Variants in FOXJ3 observed in about 807,000 individuals in gnomAD.
FOXJ3 encodes forkhead box J3, also known as forkhead box protein J3.
Under a neutral mutation model 76.1 loss-of-function variants are expected in FOXJ3, and 22 were observed. The observed-to-expected ratio is 0.29, with a 90% confidence interval of 0.21 to 0.41. The LOEUF is 0.41. FOXJ3 is among the 10% of genes least tolerant of loss of function. The probability of loss-of-function intolerance (pLI) is 1.00; values close to 1 mark genes in which losing one functional copy is unlikely to be tolerated. For synonymous variants in FOXJ3, 269 were observed against 261.2 expected (o/e 1.03, Z -0.29); for missense variants, 613 against 762.1 (o/e 0.80, Z 2.30).
At chr1:42,324,122 C>CAGTGTATATAT (rs1557726070) in intron 1 of FOXJ3, among the ~76,000 whole-genome samples, 1 of 130,192 alleles carries the variant, frequency 7.7e-6, no homozygotes, top group African/African-American at 2.9e-5. Context: ...ACTGTATATA[C>CAGTGTATATAT]ACAGTGTATA....
chr1:42,274,653 G>C (rs149726804), intron 3 of FOXJ3, among the ~76,000 whole-genome samples: 1 of 152,208 alleles, frequency 6.6e-6, no homozygotes, highest in East Asian at 1.9e-4. Context: ...AGACAATGAT[G>C]GCACTTAGTA....
chr1:42,277,515 TG>T (rs781702314), intron 3 of FOXJ3, among the ~76,000 whole-genome samples: 17,596 of 67,584 alleles, frequency 0.26, 4,807 homozygotes, highest in Admixed American at 0.31. Flanking sequence ...ACAAAAAATC[TG>T]GCCGGGCGCG....
At chr1:42,330,233 C>T (rs1297799661) in intron 1 of FOXJ3, among the ~76,000 whole-genome samples, 1 of 152,160 alleles carries the variant, frequency 6.6e-6, no homozygotes, top group Non-Finnish European at 1.5e-5. Flanking sequence ...ATTATCATCA[C>T]ATGAACTCCA....
chr1:42,324,840 T>C (rs1168212776), intron 1 of FOXJ3, among the ~76,000 whole-genome samples: 1 of 152,198 alleles, frequency 6.6e-6, no homozygotes, highest in African/African-American at 2.4e-5. Flanking sequence ...GAGTGAGTGA[T>C]GAGTGACTGT....
intron 4 of FOXJ3, among the ~76,000 whole-genome samples, chr1:42,258,052 C>A (rs183572199): frequency 1.3e-5 from 2 of 152,260 alleles, no homozygotes; most frequent in East Asian, 3.9e-4. Flanking sequence ...CTAAACATTC[C>A]AAATGGTGAA....
At chr1:42,313,607 T>C (rs949932310) in intron 1 of FOXJ3, among the ~76,000 whole-genome samples, 5 of 152,168 alleles carry the variant, frequency 3.3e-5, no homozygotes, top group African/African-American at 7.2e-5. Flanking sequence ...AATGCAGATA[T>C]AGAAGTTACT....
Position 42,191,661 on chromosome 1 carries a change from C to G in FOXJ3, c.993G>C (p.Gln331His). The change falls in exon 9 of 13, where the codon CAG becomes CAC. Residue 331 changes from glutamine to histidine, a missense_variant. Physicochemically the swap from Gln to His is conservative, Grantham distance 24. Coordinates refer to ENST00000361346, the MANE Select transcript of FOXJ3 (RefSeq NM_014947.5). ...SQQSHTSCTY[Q>H]HSPSSTVSTH... ...TGCTCACTGTACTGCTGGGAGAGTG[C>G]TGATAGGTACATGAAGTGTGGGACT... The G allele has an allele frequency of 1.2e-6, 2 of 1,614,024 alleles. No homozygotes were observed. Among genetic ancestry groups the G allele is most frequent in the Non-Finnish European group, 1.7e-6 (2 of 1,179,992 alleles).
intron 2 of FOXJ3, among the ~76,000 whole-genome samples, chr1:42,310,428 G>A (rs1557716358): frequency 2.6e-5 from 4 of 151,196 alleles, no homozygotes; most frequent in Admixed American, 2.0e-4. Context: ...ACAGGCATGA[G>A]CCACCGCACC....
upstream of FOXJ3, chr1:42,335,281 C>G (rs1656428628): frequency 1.3e-5 from 2 of 152,034 alleles, no homozygotes; most frequent in Admixed American, 1.3e-4. Flanking sequence ...CCGCCTCCTG[C>G]GGCGTCGCTG....
chr1:42,201,172 A>C (rs369401071), intron 6 of FOXJ3, among the ~76,000 whole-genome samples: 106 of 152,174 alleles, frequency 7.0e-4, no homozygotes, highest in African/African-American at 2.4e-3. Context: ...ATTCTTTTCA[A>C]TTTTCTGTGA....
At chr1:42,281,872 A>G (rs897803127) in intron 2 of FOXJ3, among the ~76,000 whole-genome samples, 1 of 152,166 alleles carries the variant, frequency 6.6e-6, no homozygotes, top group Non-Finnish European at 1.5e-5. Context: ...CAGTCTGACC[A>G]ACATGGTGAA....
chr1:42,195,158 T>C (rs936970367), intron 7 of FOXJ3, 94 bp from the exon 8 acceptor site: 1 of 935,134 alleles, frequency 1.1e-6, no homozygotes, highest in Non-Finnish European at 1.6e-6. Flanking sequence ...GTGTCAACAT[T>C]GGAATTCAAA....
intron 6 of FOXJ3, among the ~76,000 whole-genome samples, chr1:42,201,072 T>C (rs1333023852): frequency 1.8e-5 from 1 of 54,964 alleles, no homozygotes; most frequent in Non-Finnish European, 4.3e-5. Context: ...AAGTGTTATC[T>C]TTTAAATTTT....
At chr1:42,232,650 T>C (rs960583188) in intron 4 of FOXJ3, among the ~76,000 whole-genome samples, 4 of 152,138 alleles carry the variant, frequency 2.6e-5, no homozygotes, top group African/African-American at 7.2e-5. Flanking sequence ...GGGCTGTTTT[T>C]TTCTTGTAAA....
chr1:42,302,428 C>A (rs556298554), intron 2 of FOXJ3, among the ~76,000 whole-genome samples: 1 of 152,348 alleles, frequency 6.6e-6, no homozygotes, highest in African/African-American at 2.4e-5. Context: ...GAGCAGGAGA[C>A]CAAGACAGGT....
chr1:42,294,487 G>A lies in FOXJ3; in HGVS notation c.45-15815C>T, dbSNP rs192037662. On this transcript the variant is annotated intron_variant, in intron 2 of 12. Transcript: ENST00000361346. ...AAGCCATGAACTTGAGGCCAGGCGC[G>A]GTGGCTCACGTCCATAATCCCAGTA... 1.2e-4 allele frequency among the ~76,000 whole-genome samples: 19 copies of A among 152,282 alleles called. No homozygotes were observed. The East Asian group carries it at 1.7e-3, about 14-fold the overall frequency.
chr1:42,199,035 T>C, intron 7 of FOXJ3, 67 bp downstream of exon 7: 2 of 1,269,900 alleles, frequency 1.6e-6, no homozygotes, highest in South Asian at 1.5e-5. Flanking sequence ...TGCATTTCAA[T>C]TATGTTTGGT....
rs1250563515 is a variant in FOXJ3 at position 42,191,497 on chromosome 1, C to T, written c.1157G>A (p.Arg386Gln). ...CGGATGCTGCGGTAAACCATGCGGT[C>T]GATGGGGAGGATGTGGAGATGGCTG... ...HTQPSPHPPH[R>Q]PHGLPQHPQR... Residue 386 changes from arginine to glutamine, a missense_variant, in exon 9 of 13, where the codon CGA (arginine) becomes CAA (glutamine). Arg to Gln is a conservative substitution (Grantham distance 43, BLOSUM62 1). Around this residue, in one of 3 missense-constraint regions of FOXJ3, gnomAD observed 526 missense variants for 601.4 expected, o/e 0.87. Transcript: ENST00000361346. 3 of 1,613,614 alleles carry T rather than the reference C, an allele frequency of 1.9e-6. No individual in the cohort carries two copies. The highest frequency in any genetic ancestry group is 1.7e-6 in the Non-Finnish European group (2 of 1,179,878).
chr1:42,279,762 A>G (rs1652558930), intron 2 of FOXJ3, among the ~76,000 whole-genome samples: 1 of 152,280 alleles, frequency 6.6e-6, no homozygotes, highest in South Asian at 2.1e-4. Flanking sequence ...AGAAGAATGA[A>G]AAGACTTCTA....
Sources: gnomAD v4.1 joint callset for allele counts (sites outside exome capture counted in the v4.1 genomes callset) on GRCh38, gnomAD v4.1.1 for gene constraint, gnomAD v4.1.1 regional missense constraint, MANE v1.5 for transcripts, NCBI Gene and HGNC (gene_info 2026-07-23, HGNC 2026-07-21) for gene names.